Variants in LRRC7 observed in about 807,000 individuals in gnomAD.
The protein encoded by LRRC7 is leucine-rich repeat-containing protein 7.
In LRRC7, 23 loss-of-function variants were observed where a neutral mutation model predicts 175.7. That is an observed-to-expected ratio of 0.13 (90% CI 0.09 to 0.19). LRRC7 has a LOEUF of 0.19. LRRC7 is among the 10% of genes least tolerant of loss of function. LRRC7 has a pLI of 1.00. For synonymous variants in LRRC7, 685 were observed against 680.9 expected (o/e 1.01, Z -0.09); for missense variants, 1,354 against 1,904.7 (o/e 0.71, Z 5.38).
chr1:69,613,075 C>G (rs1225960922), intron 1 of LRRC7, among the ~76,000 whole-genome samples: 1 of 152,026 alleles, frequency 6.6e-6, no homozygotes. Flanking sequence ...AACTTTCAAT[C>G]ACTGTCTTAG....
At chr1:69,900,393 AC>A (rs1201078345) in intron 7 of LRRC7, among the ~76,000 whole-genome samples, 1 of 152,124 alleles carries the variant, frequency 6.6e-6, no homozygotes, top group East Asian at 1.9e-4. Context: ...ATAAACTAAC[AC>A]TTCATTTTTC....
In LRRC7 at chr1:70,136,597, A is replaced by G. The variant is rs936357816; in HGVS notation, c.*14710A>G. On this transcript the variant is annotated 3_prime_UTR_variant, in exon 27 of 27. Transcript: ENST00000651989. ...ACACAGTCTAGTGGGGAGACACACA[A>G]AAAGTCTAATAAATGCTATCGTGTA... Among the ~76,000 whole-genome samples the G allele has an allele frequency of 3.3e-5, 5 of 152,184 alleles. No individual in the cohort carries two copies. The highest frequency in any genetic ancestry group is 7.3e-5 in the Non-Finnish European group (5 of 68,038).
At chr1:69,765,774 T>A (rs1258713845) in intron 3 of LRRC7, among the ~76,000 whole-genome samples, 1 of 152,102 alleles carries the variant, frequency 6.6e-6, no homozygotes, top group African/African-American at 2.4e-5. Flanking sequence ...GGTTCTCCTT[T>A]CTAAGACAAG....
At chr1:69,877,633 T>C (rs6665742) in intron 7 of LRRC7, among the ~76,000 whole-genome samples, 84,422 of 151,952 alleles carry the variant, frequency 0.56, 23,527 homozygotes, top group East Asian at 0.7. Flanking sequence ...GTGCCCAAGT[T>C]CTTCCTGCTT....
intron 1 of LRRC7, among the ~76,000 whole-genome samples, chr1:69,671,292 G>A (rs910928637): frequency 2.0e-5 from 3 of 152,132 alleles, no homozygotes; most frequent in African/African-American, 7.2e-5. Context: ...GTATCATGTA[G>A]GAAGTAGGGC....
At chr1:69,992,745 C>T (rs1177679884) in intron 10 of LRRC7, among the ~76,000 whole-genome samples, 4 of 152,170 alleles carry the variant, frequency 2.6e-5, no homozygotes, top group African/African-American at 7.2e-5. Flanking sequence ...ATGCACTTAA[C>T]AAAAGTTTCT....
chr1:69,915,194 C>A (rs531209218), intron 7 of LRRC7, among the ~76,000 whole-genome samples: 1 of 152,068 alleles, frequency 6.6e-6, no homozygotes, highest in Admixed American at 6.5e-5. Context: ...GAATGTGACA[C>A]TAAGCCAAAG....
At chr1:69,806,449 G>A (rs1481370083) in intron 4 of LRRC7, among the ~76,000 whole-genome samples, 1 of 151,898 alleles carries the variant, frequency 6.6e-6, no homozygotes, top group East Asian at 1.9e-4. Context: ...TTGTAAGGCA[G>A]AATCAGTCGT....
intron 11 of LRRC7, among the ~76,000 whole-genome samples, chr1:69,998,652 A>G (rs1655244970): frequency 6.6e-6 from 1 of 152,100 alleles, no homozygotes; most frequent in South Asian, 2.1e-4. Flanking sequence ...TAACGTCATG[A>G]TTGGTATTTG....
chr1:69,607,440 A>C (rs988968155), intron 1 of LRRC7: 14 of 152,110 alleles, frequency 9.2e-5, no homozygotes, highest in Admixed American at 2.6e-4. Context: ...ATTTTTAGAA[A>C]GTTTTTTTAA....
At chr1:69,856,145 T>C (rs1683588406) in intron 7 of LRRC7, among the ~76,000 whole-genome samples, 1 of 152,216 alleles carries the variant, frequency 6.6e-6, no homozygotes. Context: ...AATACCGTTA[T>C]GTGTGAATTT....
intron 7 of LRRC7, among the ~76,000 whole-genome samples, chr1:69,862,196 G>A (rs753989227): frequency 2.4e-4 from 37 of 152,024 alleles, no homozygotes; most frequent in African/African-American, 2.7e-4. Flanking sequence ...CATCTATGGC[G>A]CAAGATAATA....
At chr1:69,577,452 C>T (rs1479034770) in intron 1 of LRRC7, among the ~76,000 whole-genome samples, 1 of 152,116 alleles carries the variant, frequency 6.6e-6, no homozygotes, top group Non-Finnish European at 1.5e-5. Flanking sequence ...CAAGTCCTTG[C>T]CCATGCCTAT....
intron 7 of LRRC7, among the ~76,000 whole-genome samples, chr1:69,868,072 A>G (rs1685126282): frequency 6.6e-6 from 1 of 152,168 alleles, no homozygotes; most frequent in Non-Finnish European, 1.5e-5. Flanking sequence ...AATCAAAAAC[A>G]TCTTCTGAAT....
intron 25 of LRRC7, among the ~76,000 whole-genome samples, chr1:70,093,933 A>G (rs1014213490): frequency 6.6e-6 from 1 of 152,204 alleles, no homozygotes; most frequent in Non-Finnish European, 1.5e-5. Context: ...TGCTGTTGTA[A>G]CATTTTATAA....
intron 7 of LRRC7, among the ~76,000 whole-genome samples, chr1:69,877,947 G>C (rs894272983): frequency 6.6e-6 from 1 of 152,160 alleles, no homozygotes; most frequent in African/African-American, 2.4e-5. Flanking sequence ...AGGATGTGGT[G>C]TGAGACTATC....
At chr1:70,046,279 A>G (rs1660321766) in intron 22 of LRRC7, among the ~76,000 whole-genome samples, 1 of 152,144 alleles carries the variant, frequency 6.6e-6, no homozygotes, top group East Asian at 1.9e-4. Flanking sequence ...TAGCATATTA[A>G]TTTCCTGATG....
At chr1:69,978,238 G>A (rs1167968674) in intron 8 of LRRC7, among the ~76,000 whole-genome samples, 4 of 145,576 alleles carry the variant, frequency 2.7e-5, no homozygotes, top group Non-Finnish European at 4.5e-5. Flanking sequence ...AGCTGAGATC[G>A]CACCACTGCA....
chr1:69,764,792 G>GATAGATA (rs1410823034), intron 3 of LRRC7, among the ~76,000 whole-genome samples: 1 of 147,346 alleles, frequency 6.8e-6, no homozygotes, highest in Non-Finnish European at 1.5e-5. Flanking sequence ...CAGACAGACA[G>GATAGATA]ATAGATAACT....
Sources: allele counts gnomAD v4.1 joint callset (sites outside exome capture counted in the v4.1 genomes callset), GRCh38; gene constraint gnomAD v4.1.1; transcripts MANE v1.5; gene names NCBI Gene and HGNC (gene_info 2026-07-23, HGNC 2026-07-21).